PRKN: variants seen among roughly 807,000 people sequenced by gnomAD.
PRKN encodes parkin RBR E3 ubiquitin protein ligase, also known as E3 ubiquitin-protein ligase parkin.
A neutral mutation model predicts 59.5 loss-of-function variants in PRKN; 56 were observed. The ratio of observed to expected loss-of-function variants is 0.94; its 90% CI spans 0.76 to 1.18. The LOEUF is 1.18. PRKN is among the 50% of genes most tolerant of loss of function. PRKN has a pLI of 0.00. For missense variants in PRKN, 657 were observed against 596.4 expected (o/e 1.10, Z -1.06); for synonymous variants, 250 against 222.1 (o/e 1.13, Z -1.12).
chr6:162,640,410 G>T (rs1428201135), intron 1 of PRKN, among the ~76,000 whole-genome samples: 1 of 152,072 alleles, frequency 6.6e-6, no homozygotes, highest in Non-Finnish European at 1.5e-5. Flanking sequence ...AGCTGTTTCT[G>T]AATTCTAAGG....
intron 1 of PRKN, among the ~76,000 whole-genome samples, chr6:162,522,242 G>A (rs1264699289): frequency 6.6e-6 from 1 of 152,164 alleles, no homozygotes; most frequent in Non-Finnish European, 1.5e-5. Flanking sequence ...TCCAAACTCA[G>A]CCTCCCAAGT....
chr6:161,760,918 G>C (rs1363566516), intron 7 of PRKN, among the ~76,000 whole-genome samples: 1 of 152,174 alleles, frequency 6.6e-6, no homozygotes, highest in African/African-American at 2.4e-5. Flanking sequence ...CAGTGAGGCA[G>C]CACATATTTC....
chr6:162,000,614 T>C (rs536437381), intron 5 of PRKN, among the ~76,000 whole-genome samples: 3 of 152,212 alleles, frequency 2.0e-5, no homozygotes, highest in South Asian at 2.1e-4. Context: ...TTTCATTCTC[T>C]TGACAGCTGC....
At chr6:161,718,380 G>A (rs980648540) in intron 7 of PRKN, among the ~76,000 whole-genome samples, 1 of 149,308 alleles carries the variant, frequency 6.7e-6, no homozygotes, top group Non-Finnish European at 1.5e-5. Context: ...TACTGAGACT[G>A]ATCCAGTGTG....
rs3066554 is a variant in PRKN, at chr6:161,678,216, C to CTTTTTTTTTTT, written c.871+107545_871+107555dup. On this transcript the variant is annotated intron_variant, in intron 7 of 11. Coordinates refer to ENST00000366898, the MANE Select transcript of PRKN (RefSeq NM_004562.3). ...TTATGGTAATAACAATACTGAATCA[C>CTTTTTTTTTTT]TTTTTTTTTTTTTTTTTTTTTTTTT... Among the ~76,000 whole-genome samples the CTTTTTTTTTTT allele has an allele frequency of 7.7e-4, 50 of 64,946 alleles. 7 individuals are homozygous for CTTTTTTTTTTT. The highest frequency in any genetic ancestry group is 3.4e-3 in the African/African-American group (43 of 12,688). 42.6% of individuals were successfully genotyped at this position (64,946 alleles called of 152,430 possible).
intron 7 of PRKN, among the ~76,000 whole-genome samples, chr6:161,709,234 T>C (rs181351835): frequency 6.2e-4 from 94 of 152,326 alleles, no homozygotes; most frequent in African/African-American, 2.2e-3. Context: ...GTATATATGC[T>C]GCTTTCTGAG....
intron 1 of PRKN, among the ~76,000 whole-genome samples, chr6:162,691,498 G>T (rs1777773770): frequency 6.6e-6 from 1 of 151,908 alleles, no homozygotes; most frequent in African/African-American, 2.4e-5. Context: ...ATATTTATAT[G>T]TACCTCCCAT....
At chr6:162,613,703 T>G (rs1201677257) in intron 1 of PRKN, among the ~76,000 whole-genome samples, 1 of 152,144 alleles carries the variant, frequency 6.6e-6, no homozygotes, top group Non-Finnish European at 1.5e-5. Flanking sequence ...TATACACAAA[T>G]TTTGAAAGTC....
intron 1 of PRKN, among the ~76,000 whole-genome samples, chr6:162,716,407 A>T (rs1016221250): frequency 1.2e-4 from 18 of 152,196 alleles, no homozygotes; most frequent in Non-Finnish European, 1.3e-4. Context: ...ATTAGTTATT[A>T]TTTACAAAGG....
At chr6:161,504,299 G>C (rs1243790536) in intron 9 of PRKN, among the ~76,000 whole-genome samples, 1 of 152,134 alleles carries the variant, frequency 6.6e-6, no homozygotes, top group African/African-American at 2.4e-5. Context: ...CCCTGAGGAA[G>C]AGCCGGCAGG....
At position 161,883,510 on chromosome 6, in the gene PRKN, T is replaced by C. The variant is rs73603193; in HGVS notation, c.734+89792A>G. Among the ~76,000 whole-genome samples, 95 of 143,146 alleles carry C rather than the reference T, an allele frequency of 6.6e-4. 1 individual carries two copies. In the South Asian group the frequency reaches 0.015, roughly 23 times the overall value. 93.9% of individuals were successfully genotyped at this position (143,146 alleles called of 152,430 possible). A position where few individuals can be genotyped will look rare whatever the true frequency, so the allele number is the denominator to read the frequency against. On this transcript the variant is annotated intron_variant, in intron 6 of 11. Coordinates refer to ENST00000366898, the MANE Select transcript of PRKN (RefSeq NM_004562.3). ...AAAGGGAAGGGAAGGGAAGGGAAGG[T>C]GGGGAGGGGAGGGGAGGGCAGAAAC...
At chr6:162,059,098 T>C (rs1280486316) in intron 4 of PRKN, among the ~76,000 whole-genome samples, 2 of 152,126 alleles carry the variant, frequency 1.3e-5, no homozygotes, top group Non-Finnish European at 2.9e-5. Flanking sequence ...ATCACAGATG[T>C]TTATTTTTTC....
rs949277317 is a variant in PRKN, at chr6:161,487,756, T to G, written c.1083+61098A>C. On this transcript the variant is annotated intron_variant, in intron 9 of 11. Coordinates refer to ENST00000366898, the MANE Select transcript of PRKN (RefSeq NM_004562.3). This position sits in a 1 kb window ranked among gnomAD's most constrained non-coding sequence, Gnocchi z 5.3. ...GCTCGCGAATAGAGAGGCACCATGCTCATTGCTTTGGGCATACCCTGCCTC... is the reference window on the plus strand; with the variant it reads ...GCTCGCGAATAGAGAGGCACCATGCGCATTGCTTTGGGCATACCCTGCCTC... 2.0e-5 allele frequency among the ~76,000 whole-genome samples: 3 copies of G among 152,212 alleles called. No homozygotes were observed. In the East Asian group the frequency reaches 5.8e-4, roughly 29 times the overall value.
chr6:162,128,916 AAG>A (rs1443234252), intron 4 of PRKN, among the ~76,000 whole-genome samples: 1 of 152,242 alleles, frequency 6.6e-6, no homozygotes. Flanking sequence ...AACTTTGAGA[AAG>A]AATTGCTGCT....
At chr6:162,063,479 T>G (rs1054233427) in intron 4 of PRKN, among the ~76,000 whole-genome samples, 1 of 152,202 alleles carries the variant, frequency 6.6e-6, no homozygotes, top group Non-Finnish European at 1.5e-5. Context: ...GGATAAAGAT[T>G]AACAAACGCT....
rs1001808050 is a variant in PRKN at position 161,429,442 on chromosome 6, G to C, written c.1084-42565C>G. On this transcript the variant is annotated intron_variant, in intron 9 of 11. Transcript: ENST00000366898. This position sits in a 1 kb window ranked among gnomAD's most constrained non-coding sequence, Gnocchi z 4.2. ...AACCTGGGGAGCCATGGTTAAGAGGGACGGAGAAATAACACGAATGTGGTG... is the reference window on the plus strand; with the variant it reads ...AACCTGGGGAGCCATGGTTAAGAGGCACGGAGAAATAACACGAATGTGGTG... Among the ~76,000 whole-genome samples, 1 of 152,174 alleles carries C rather than the reference G, an allele frequency of 6.6e-6. No homozygotes were observed. Among genetic ancestry groups the C allele is most frequent in the Non-Finnish European group, 1.5e-5 (1 of 68,036 alleles).
At chr6:162,297,972 T>C (rs1781757427) in intron 2 of PRKN, among the ~76,000 whole-genome samples, 1 of 152,150 alleles carries the variant, frequency 6.6e-6, no homozygotes. Context: ...CTGTGGGTGC[T>C]AGAAGTGGAT....
intron 2 of PRKN, among the ~76,000 whole-genome samples, chr6:162,383,132 T>C (rs1786586706): frequency 6.6e-6 from 1 of 152,198 alleles, no homozygotes; most frequent in Non-Finnish European, 1.5e-5. Flanking sequence ...TCCAAACTCA[T>C]GTTAATGTTA....
intron 7 of PRKN, among the ~76,000 whole-genome samples, chr6:161,628,650 C>G (rs1284737847): frequency 6.6e-6 from 1 of 152,192 alleles, no homozygotes; most frequent in Admixed American, 6.5e-5. Flanking sequence ...ACAAGCCAGC[C>G]TTTGTAGAGA....
Sources: allele counts gnomAD v4.1 joint callset (sites outside exome capture counted in the v4.1 genomes callset), GRCh38; gene constraint gnomAD v4.1.1; non-coding constraint Gnocchi (gnomAD v3.1); transcripts MANE v1.5; gene names NCBI Gene and HGNC (gene_info 2026-07-23, HGNC 2026-07-21).